The following TENT5D variants were observed in gnomAD, a reference collection of about 807,000 sequenced individuals.
TENT5D encodes cancer/testis antigen 112.
For synonymous variants in TENT5D, 103 were observed against 100.6 expected (o/e 1.02, Z -0.15); for missense variants, 191 against 287.0 (o/e 0.67, Z 2.42).
chrX:80,424,689 A>G (rs1159153280), intron 1 of TENT5D, among the ~76,000 whole-genome samples: 1 of 112,710 alleles, frequency 8.9e-6, no homozygotes, highest in Non-Finnish European at 1.9e-5. Flanking sequence ...ATTTTTGTTA[A>G]AAACAAATTA....
chrX:80,400,762 A>G (rs1931375545), intron 3 of TENT5D, among the ~76,000 whole-genome samples: 1 of 111,715 alleles, frequency 9.0e-6, no homozygotes, highest in South Asian at 3.7e-4. Context: ...TCAGGATTTC[A>G]ACATTCAGGA....
At chrX:80,409,828 A>G (rs1412877661) in intron 3 of TENT5D, among the ~76,000 whole-genome samples, 6 of 102,092 alleles carry the variant, frequency 5.9e-5, no homozygotes, top group Non-Finnish European at 1.2e-4. Context: ...GAGGCATCAC[A>G]CTACCTGACT....
intron 3 of TENT5D, among the ~76,000 whole-genome samples, chrX:80,371,113 C>G (rs914307260): frequency 7.2e-5 from 8 of 111,802 alleles, no homozygotes; most frequent in African/African-American, 2.6e-4. Flanking sequence ...CTGCTTCTTA[C>G]CTCCTAAGAG....
At chrX:80,390,154 A>G (rs1931097468) in intron 3 of TENT5D, among the ~76,000 whole-genome samples, 1 of 111,865 alleles carries the variant, frequency 8.9e-6, no homozygotes, top group African/African-American at 3.2e-5. Flanking sequence ...AGGAGCTTGT[A>G]GAAATTCCCT....
intron 1 of TENT5D, among the ~76,000 whole-genome samples, chrX:80,427,153 C>T (rs1043873314): frequency 5.4e-5 from 6 of 111,663 alleles, no homozygotes; most frequent in Non-Finnish European, 9.4e-5. Context: ...CAGACTAATA[C>T]AGTAGACTTA....
At chrX:80,387,883 A>T (rs1931050982) in intron 3 of TENT5D, among the ~76,000 whole-genome samples, 1 of 111,197 alleles carries the variant, frequency 9.0e-6, no homozygotes, top group Admixed American at 9.6e-5. Context: ...CTGGAGTTGA[A>T]AACCACATAA....
At chrX:80,386,375 G>A (rs1931007677) in intron 3 of TENT5D, among the ~76,000 whole-genome samples, 1 of 110,216 alleles carries the variant, frequency 9.1e-6, no homozygotes, top group African/African-American at 3.3e-5. Context: ...TTGGACACAG[G>A]AAGGGGAACA....
chrX:80,420,241 C>T (rs1231840922), upstream of TENT5D, among the ~76,000 whole-genome samples: 1 of 110,326 alleles, frequency 9.1e-6, no homozygotes, highest in Non-Finnish European at 1.9e-5. Flanking sequence ...CTTCCTCCCT[C>T]TTCACTATTT....
At chrX:80,338,699 G>T (rs778503851) in intron 2 of TENT5D, among the ~76,000 whole-genome samples, 1 of 112,176 alleles carries the variant, frequency 8.9e-6, no homozygotes, top group African/African-American at 3.2e-5. Context: ...AAGATGATCA[G>T]AAAATTAAAT....
At chrX:80,398,955 T>A (rs1003011299) in intron 3 of TENT5D, among the ~76,000 whole-genome samples, 1 of 112,059 alleles carries the variant, frequency 8.9e-6, no homozygotes, top group Admixed American at 9.4e-5. Context: ...ACTCATTTTT[T>A]AAATTAGATT....
intron 3 of TENT5D, among the ~76,000 whole-genome samples, chrX:80,350,613 T>C (rs756332528): frequency 1.8e-5 from 2 of 111,235 alleles, no homozygotes; most frequent in Non-Finnish European, 3.8e-5. Flanking sequence ...ATTTGGCAGT[T>C]TGTGTCTTTT....
chrX:80,346,287 C>T (rs189324976), intron 3 of TENT5D, among the ~76,000 whole-genome samples: 181 of 112,186 alleles, frequency 1.6e-3, no homozygotes, highest in African/African-American at 5.1e-3. Context: ...AAAGATATTT[C>T]GGTTATTCCC....
intron 3 of TENT5D, among the ~76,000 whole-genome samples, chrX:80,364,514 T>C (rs1231707648): frequency 9.0e-6 from 1 of 111,193 alleles, no homozygotes; most frequent in Non-Finnish European, 1.9e-5. Flanking sequence ...TTTCTCAATA[T>C]GTACTCTATA....
At chrX:80,442,582 A>G (rs1180834617) in exon 3 of TENT5D, 1 of 1,208,975 alleles carries the variant, frequency 8.3e-7, no homozygotes, top group East Asian at 3.0e-5. Flanking sequence ...GGATCAAGTT[A>G]TAACACTGGA....
At chrX:80,426,772 G>A (rs1040524509) in intron 1 of TENT5D, among the ~76,000 whole-genome samples, 5 of 111,260 alleles carry the variant, frequency 4.5e-5, no homozygotes, top group African/African-American at 1.6e-4. Context: ...GTTTTCACAC[G>A]CCTTGCACGT....
chrX:80,366,078 C>T (rs1191313708), intron 3 of TENT5D, among the ~76,000 whole-genome samples: 2 of 110,741 alleles, frequency 1.8e-5, no homozygotes, highest in African/African-American at 6.6e-5. Context: ...TCAAAGGTCT[C>T]ACTTGTACTG....
At chrX:80,347,527 T>C (rs1369903857) in intron 3 of TENT5D, among the ~76,000 whole-genome samples, 1 of 112,150 alleles carries the variant, frequency 8.9e-6, no homozygotes, top group Non-Finnish European at 1.9e-5. Context: ...TGTTTGGTTT[T>C]TTTCCTGTAA....
chrX:80,342,164 A>G (rs935105184), intron 2 of TENT5D, among the ~76,000 whole-genome samples: 3 of 111,980 alleles, frequency 2.7e-5, no homozygotes, highest in Non-Finnish European at 5.6e-5. Context: ...AAAAGGAACT[A>G]TAAGAACTAT....
At chrX:80,397,260 G>C (rs1931288380) in intron 3 of TENT5D, among the ~76,000 whole-genome samples, 1 of 107,892 alleles carries the variant, frequency 9.3e-6, no homozygotes, top group Non-Finnish European at 1.9e-5. Context: ...CGGGGTCGCA[G>C]CTGGGCAGAG....
Sources: allele counts gnomAD v4.1 joint callset (sites outside exome capture counted in the v4.1 genomes callset), GRCh38; gene constraint gnomAD v4.1.1; transcripts MANE v1.5; gene names NCBI Gene and HGNC (gene_info 2026-07-23, HGNC 2026-07-21).